The following GPRC5A variants were observed in gnomAD, a reference collection of about 807,000 sequenced individuals.
The protein encoded by GPRC5A is G protein-coupled receptor class C group 5 member A, also known as retinoic acid-induced protein 3.
Under a neutral mutation model 22.5 loss-of-function variants are expected in GPRC5A, and 19 were observed. The observed-to-expected ratio is 0.85, with a 90% CI of 0.59 to 1.24. GPRC5A has a LOEUF of 1.24. GPRC5A is among the 50% of genes most tolerant of loss of function. GPRC5A has a pLI of 0.00. For synonymous variants in GPRC5A, 192 were observed against 184.5 expected, an observed-to-expected ratio of 1.04 and a Z score of -0.33; for missense variants, 471 against 451.1, an observed-to-expected ratio of 1.04 and a Z score of -0.40.
rs2136466357 is a variant in GPRC5A, at chr12:12,917,348, T to C, written c.*4809T>C. 1 of 152,064 alleles carries C rather than the reference T, an allele frequency of 6.6e-6. No individual in the cohort carries two copies. Among genetic ancestry groups the C allele is most frequent in the Middle Eastern group, 3.4e-3 (1 of 294 alleles). The allele number at this position is 152,064 out of a possible 1,614,324, so 9.4% of individuals were successfully genotyped here. ...TGGAACAGTCCAGTGCCAAAAATTTTAGAGTTTGAGAAGGTCACAGAAATC... is the reference window on the plus strand; with the variant it reads ...TGGAACAGTCCAGTGCCAAAAATTTCAGAGTTTGAGAAGGTCACAGAAATC... On this transcript the variant is annotated 3_prime_UTR_variant, in exon 4 of 4. Coordinates refer to ENST00000014914, the MANE Select transcript of GPRC5A (RefSeq NM_003979.4).
rs777155606 is a variant in GPRC5A, at chr12:12,914,594, T to TTCTCTCTCTCTCTCTCTC, written c.*2061_*2078dup. 1.2e-5 allele frequency: 1 copy of TTCTCTCTCTCTCTCTCTC among 81,544 alleles called. No homozygotes were observed. The highest frequency in any genetic ancestry group is 2.5e-4 in the East Asian group (1 of 3,936). The allele number at this position is 81,544 out of a possible 1,614,324, so 5.1% of individuals were successfully genotyped here. ...TTTCTTTCTTTCTTTCTTTCTTTCTTTCTCTCTCTCTCTCTCTCTCTCTTT... is the reference window on the plus strand; with the variant it reads ...TTTCTTTCTTTCTTTCTTTCTTTCTTTCTCTCTCTCTCTCTCTCTCTCTCTCTCTCTCTCTCTCTCTTT... On this transcript the variant is annotated 3_prime_UTR_variant, in exon 4 of 4. Coordinates refer to ENST00000014914, the MANE Select transcript of GPRC5A (RefSeq NM_003979.4).
rs775121400 is a variant in GPRC5A, at chr12:12,909,064, G to A, written c.815G>A (p.Arg272Gln). 16 of 1,608,660 alleles carry A rather than the reference G, an allele frequency of 9.9e-6. No homozygotes were observed. The African/African-American group carries it at 1.1e-4, about 11-fold the overall frequency. ...GAGTTTTGGCTGCTCACAAAGCAAC[G>A]AAACCCCATGGATTATCCTGTTGAG... is the stretch of plus-strand genomic sequence containing the variant. ...SPEFWLLTKQRNPMDYPVEDA... is the reference protein window; with the variant it reads ...SPEFWLLTKQQNPMDYPVEDA... Residue 272 changes from arginine (R) to glutamine (Q), a missense_variant, in exon 2 of 4, where the codon CGA becomes CAA. Arg to Gln is a conservative substitution (Grantham distance 43). Coordinates refer to ENST00000014914, the MANE Select transcript of GPRC5A (RefSeq NM_003979.4).
In GPRC5A at chr12:12,908,514, C is replaced by A. The variant is rs776508515; in HGVS notation, c.265C>A (p.Leu89Met). ...FGLTFAFIIG[L>M]DGSTGPTRFF... is the part of the protein sequence containing the mutation. The stretch of plus-strand genomic sequence containing the variant: ...CCTCACCTTCGCCTTCATCATCGGA[C>A]TGGACGGGAGCACAGGGCCCACACG... Residue 89 changes from leucine to methionine, a missense_variant, in exon 2 of 4, where the codon CTG becomes ATG. Coordinates refer to ENST00000014914, the MANE Select transcript of GPRC5A (RefSeq NM_003979.4). 3 of 1,614,176 alleles carry A rather than the reference C, an allele frequency of 1.9e-6. No homozygotes were observed. The highest frequency in any genetic ancestry group is 2.5e-6 in the Non-Finnish European group (3 of 1,180,026).
rs1864072388 is a variant in GPRC5A at position 12,917,210 on chromosome 12, A to ATGTGTGTGTG, written c.*4672_*4673insGTGTGTGTGT. 1 of 113,420 alleles carries ATGTGTGTGTG rather than the reference A, an allele frequency of 8.8e-6. No homozygotes were observed. Among genetic ancestry groups the ATGTGTGTGTG allele is most frequent in the South Asian group, 3.0e-4 (1 of 3,368 alleles). 7.0% of individuals were successfully genotyped at this position (113,420 alleles called of 1,614,324 possible). A position where few individuals can be genotyped will look rare whatever the true frequency, so the allele number is the denominator to read the frequency against. ...CAGGATGTTCCAAGGATGCTGCTGG[A>ATGTGTGTGTG]TCTGTGTGTGTGTGTGTGTGTGTGT... On this transcript the variant is annotated 3_prime_UTR_variant, in exon 4 of 4. Coordinates refer to ENST00000014914, the MANE Select transcript of GPRC5A (RefSeq NM_003979.4).
At chr12:12,907,359 C>A (rs1336681362) in intron 1 of GPRC5A, among the ~76,000 whole-genome samples, 3 of 146,106 alleles carry the variant, frequency 2.1e-5, no homozygotes, top group Non-Finnish European at 4.5e-5. Flanking sequence ...CGAGATCGTG[C>A]CACTGCACTC....
At chr12:12,904,908 T>A (rs1268772497) in intron 1 of GPRC5A, among the ~76,000 whole-genome samples, 6 of 140,896 alleles carry the variant, frequency 4.3e-5, no homozygotes, top group Non-Finnish European at 7.6e-5. Context: ...TTTTTTGAGA[T>A]GGAATCTCTC....
In GPRC5A at chr12:12,912,669, C is replaced by G; in HGVS notation, c.*130C>G. ...ACTACGGGAACAGTTTGCCTCCCTCCCAGCCTCAACCACAATTCTTCCATG... is the reference window on the plus strand; with the variant it reads ...ACTACGGGAACAGTTTGCCTCCCTCGCAGCCTCAACCACAATTCTTCCATG... On this transcript the variant is annotated 3_prime_UTR_variant, in exon 4 of 4. Coordinates refer to ENST00000014914, the MANE Select transcript of GPRC5A (RefSeq NM_003979.4). The G allele has an allele frequency of 1.6e-6, 1 of 634,354 alleles. No individual in the cohort carries two copies. Among genetic ancestry groups the G allele is most frequent in the South Asian group, 1.9e-5 (1 of 53,528 alleles). 39.3% of individuals were successfully genotyped at this position (634,354 alleles called of 1,614,324 possible).
At chr12:12,892,613 C>A (rs914213987) in intron 1 of GPRC5A, among the ~76,000 whole-genome samples, 4 of 152,070 alleles carry the variant, frequency 2.6e-5, no homozygotes, top group African/African-American at 9.7e-5. Context: ...GTGATCTGCC[C>A]GCCTCAGCCT....
At chr12:12,895,838 A>AAAAAAAAAAAC (rs1863817662) in intron 1 of GPRC5A, among the ~76,000 whole-genome samples, 1 of 147,428 alleles carries the variant, frequency 6.8e-6, no homozygotes, top group African/African-American at 2.5e-5. Context: ...AAAAAAAAAA[A>AAAAAAAAAAAC]AAAAATTAGC....
rs554818373 is a variant in GPRC5A, at chr12:12,915,161, C to G, written c.*2622C>G. On this transcript the variant is annotated 3_prime_UTR_variant, in exon 4 of 4. Transcript: ENST00000014914. ...TCAGTCTCCTGAGTAGCTGGGACCA[C>G]AGACGTGCACTACCACACTTGGCTA... 6.6e-6 allele frequency: 1 copy of G among 152,068 alleles called. No individual in the cohort carries two copies. The highest frequency in any genetic ancestry group is 1.9e-4 in the East Asian group (1 of 5,164). The allele number at this position is 152,068 out of a possible 1,614,324, so 9.4% of individuals were successfully genotyped here.
rs775992138 is a variant in GPRC5A at position 12,917,245 on chromosome 12, T to C, written c.*4706T>C. The C allele has an allele frequency of 4.7e-5, 4 of 85,292 alleles. No homozygotes were observed. The highest frequency in any genetic ancestry group is 7.9e-4 in the East Asian group (1 of 1,272). The allele number at this position is 85,292 out of a possible 1,614,324, so 5.3% of individuals were successfully genotyped here. A position where few individuals can be genotyped will look rare whatever the true frequency, so the allele number is the denominator to read the frequency against. On this transcript the variant is annotated 3_prime_UTR_variant, in exon 4 of 4. Transcript: ENST00000014914. The stretch of plus-strand genomic sequence containing the variant: ...GTGTGTGTGTGTGTGTGTGTGTGTG[T>C]GTGTGTGCGTGCGTGCGTGTATGTG...
rs34748296 is a variant in GPRC5A, at chr12:12,901,762, CAAAAA to C, written c.-7-6464_-7-6460del. ...TGTGTGTCTCATCAGACTTGGGCAT[CAAAAA>C]AAAAAAAAAAAAAAAACCATCCTGG... On this transcript the variant is annotated intron_variant, in intron 1 of 3. Transcript: ENST00000014914. Among the ~76,000 whole-genome samples the C allele has an allele frequency of 1.0e-3, 87 of 85,670 alleles. No individual in the cohort carries two copies. The East Asian group carries it at 0.03, about 29-fold the overall frequency. The allele number at this position is 85,670 out of a possible 152,430, so 56.2% of individuals were successfully genotyped here. A position where few individuals can be genotyped will look rare whatever the true frequency, so the allele number is the denominator to read the frequency against.
At position 12,909,079 on chromosome 12, in the gene GPRC5A, A is replaced by G. The variant is rs201345663; in HGVS notation, c.830A>G (p.Tyr277Cys). Residue 277 changes from tyrosine to cysteine, a missense_variant, in exon 2 of 4, where the codon TAT (tyrosine) becomes TGT (cysteine). Transcript: ENST00000014914. ...LLTKQRNPMD[Y>C]PVEDAFCKPQ... is the part of the protein sequence containing the mutation. Reference sequence around the variant, plus strand: ...ACAAAGCAACGAAACCCCATGGATTATCCTGTTGAGGATGCTTTCTGTAAA... The same window carrying G: ...ACAAAGCAACGAAACCCCATGGATTGTCCTGTTGAGGATGCTTTCTGTAAA... 2.0e-5 allele frequency: 32 copies of G among 1,606,166 alleles called. No individual in the cohort carries two copies. In the African/African-American group the frequency reaches 4.1e-4, roughly 21 times the overall value.
chr12:12,915,766 G>A lies in GPRC5A; in HGVS notation c.*3227G>A, dbSNP rs560554409. On this transcript the variant is annotated 3_prime_UTR_variant, in exon 4 of 4. Coordinates refer to ENST00000014914, the MANE Select transcript of GPRC5A (RefSeq NM_003979.4). Reference sequence around the variant, plus strand: ...TGGCCTCTGAAAGTGCTGGGATACCGTGGCCTCTGAAAGTGCTGGGATTAC... The same window carrying A: ...TGGCCTCTGAAAGTGCTGGGATACCATGGCCTCTGAAAGTGCTGGGATTAC... 9 of 431,536 alleles carry A rather than the reference G, an allele frequency of 2.1e-5. No individual in the cohort carries two copies. The highest frequency in any genetic ancestry group is 1.6e-4 in the African/African-American group (8 of 48,644). The allele number at this position is 431,536 out of a possible 1,614,324, so 26.7% of individuals were successfully genotyped here.
At chr12:12,909,494 G>T (rs1336745261) in intron 2 of GPRC5A, 5 of 231,346 alleles carry the variant, frequency 2.2e-5, no homozygotes, top group Non-Finnish European at 4.2e-5. Context: ...AAAATAAGAT[G>T]CAGCAAAGAC....
chr12:12,916,559 T>G lies in GPRC5A; in HGVS notation c.*4020T>G, dbSNP rs1864066211. The G allele has an allele frequency of 6.6e-6, 1 of 152,278 alleles. No homozygotes were observed. Among genetic ancestry groups the G allele is most frequent in the African/African-American group, 2.4e-5 (1 of 41,470 alleles). The allele number at this position is 152,278 out of a possible 1,614,324, so 9.4% of individuals were successfully genotyped here. On this transcript the variant is annotated 3_prime_UTR_variant, in exon 4 of 4. Coordinates refer to ENST00000014914, the MANE Select transcript of GPRC5A (RefSeq NM_003979.4). The stretch of plus-strand genomic sequence containing the variant: ...GCGTCCCATTTTAAGAGGCTTGTAT[T>G]TATGAGCTCTTTGCTTCCTCCCTCC...
chr12:12,914,141 T>A lies in GPRC5A; in HGVS notation c.*1602T>A, dbSNP rs1270430310. On this transcript the variant is annotated 3_prime_UTR_variant, in exon 4 of 4. Transcript: ENST00000014914. ...CTCTTTCGTTATGGAAAAAAAATAA[T>A]CCCTCTACATAGAAACTGAGTGACA... is the stretch of plus-strand genomic sequence containing the variant. The A allele has an allele frequency of 3.3e-5, 5 of 152,272 alleles. No homozygotes were observed. Among genetic ancestry groups the A allele is most frequent in the Non-Finnish European group, 5.9e-5 (4 of 68,020 alleles). The allele number at this position is 152,272 out of a possible 1,614,324, so 9.4% of individuals were successfully genotyped here.
chr12:12,892,262 G>A (rs10772609), intron 1 of GPRC5A, among the ~76,000 whole-genome samples: 89,179 of 150,896 alleles, frequency 0.59, 29,254 homozygotes, highest in Non-Finnish European at 0.74. Context: ...TTGAATGTGC[G>A]CTGAGAGTGC....
In GPRC5A at chr12:12,900,923, A is replaced by ACAAAAAAC. The variant is rs376043724; in HGVS notation, c.-7-7320_-7-7319insCAAAAAAC. Among the ~76,000 whole-genome samples the ACAAAAAAC allele has an allele frequency of 7.3e-5, 8 of 109,992 alleles. No individual in the cohort carries two copies. The East Asian group carries it at 2.9e-3, about 39-fold the overall frequency. 72.2% of individuals were successfully genotyped at this position (109,992 alleles called of 152,430 possible). A position where few individuals can be genotyped will look rare whatever the true frequency, so the allele number is the denominator to read the frequency against. On this transcript the variant is annotated intron_variant, in intron 1 of 3. Transcript: ENST00000014914. ...AAAAAAAAAAAAAAAACAAAAAAAA[A>ACAAAAAAC]ACAACCCAGAAAAACCCAAAAAACA...
Sources: allele counts gnomAD v4.1 joint callset (sites outside exome capture counted in the v4.1 genomes callset), GRCh38; gene constraint gnomAD v4.1.1; transcripts MANE v1.5; gene names NCBI Gene and HGNC (gene_info 2026-07-23, HGNC 2026-07-21).